Variants in CAST observed in about 807,000 individuals in gnomAD.
CAST encodes calpastatin, also known as MIR583 host.
CAST carries 76 observed loss-of-function variants against 119.6 expected under a neutral mutation model. The observed-to-expected ratio is 0.64, with a 90% confidence interval of 0.53 to 0.77. The LOEUF is 0.77. Among genes scored for constraint, CAST ranks in the 30% least tolerant of loss-of-function variants. The pLI is 0.00. For missense variants in CAST, 953 were observed against 946.5 expected (o/e 1.01, Z -0.09); for synonymous variants, 319 against 331.6 (o/e 0.96, Z 0.41).
intron 1 of CAST, among the ~76,000 whole-genome samples, chr5:96,549,612 G>T (rs1397542884): frequency 6.6e-6 from 1 of 152,184 alleles, no homozygotes; most frequent in Non-Finnish European, 1.5e-5. Context: ...GGAAGCACAG[G>T]GGGTTGGGGG....
the CAST span, among the ~76,000 whole-genome samples, chr5:96,061,330 G>A: frequency 1.3e-5 from 2 of 152,038 alleles, no homozygotes; most frequent in African/African-American, 2.4e-5. Context: ...GAGCTGGATT[G>A]GGTCATACCA....
the CAST span, among the ~76,000 whole-genome samples, chr5:96,376,398 T>C: frequency 7.9e-5 from 12 of 152,306 alleles, no homozygotes; most frequent in East Asian, 2.3e-3. Context: ...GTTACTAGTT[T>C]ATATGTTTAC....
chr5:96,513,023 C>T, the CAST span, among the ~76,000 whole-genome samples: 1 of 152,172 alleles, frequency 6.6e-6, no homozygotes, highest in Non-Finnish European at 1.5e-5. Flanking sequence ...CCTGAAACCA[C>T]AGAACAATCA....
chr5:95,962,135 G>C, the CAST span: 2 of 352,318 alleles, frequency 5.7e-6, no homozygotes, highest in Non-Finnish European at 1.0e-5. Flanking sequence ...GGCTGGCTTG[G>C]GGACTCCCCT....
the CAST span, among the ~76,000 whole-genome samples, chr5:96,128,743 A>G: frequency 6.6e-6 from 1 of 152,118 alleles, no homozygotes; most frequent in African/African-American, 2.4e-5. Flanking sequence ...TCTGGACATT[A>G]GAGCTTAATT....
chr5:96,530,001 C>G (rs1745661825), intron 1 of CAST: 1 of 218,898 alleles, frequency 4.6e-6, no homozygotes, highest in Admixed American at 5.5e-5. Flanking sequence ...TCCTATGTGT[C>G]CAGCACCACG....
chr5:96,554,419 G>T (rs1018794382), intron 1 of CAST, among the ~76,000 whole-genome samples: 1 of 152,178 alleles, frequency 6.6e-6, no homozygotes, highest in African/African-American at 2.4e-5. Flanking sequence ...ATGGATCAAA[G>T]ACTTAACTGT....
At chr5:96,067,607 TA>T in the CAST span, among the ~76,000 whole-genome samples, 1 of 152,222 alleles carries the variant, frequency 6.6e-6, no homozygotes, top group South Asian at 2.1e-4. Context: ...TACCTGTGCT[TA>T]AAAAGATCCA....
At chr5:96,421,656 A>G in the CAST span, among the ~76,000 whole-genome samples, 1 of 152,228 alleles carries the variant, frequency 6.6e-6, no homozygotes, top group African/African-American at 2.4e-5. Context: ...GGAGAATTTC[A>G]TAATGTAAGA....
chr5:95,978,502 T>C, the CAST span, among the ~76,000 whole-genome samples: 1 of 152,250 alleles, frequency 6.6e-6, no homozygotes, highest in Non-Finnish European at 1.5e-5. Flanking sequence ...GGTTGTTTTT[T>C]TTTCTTGTAA....
At chr5:96,448,671 A>G in the CAST span, among the ~76,000 whole-genome samples, 1 of 152,136 alleles carries the variant, frequency 6.6e-6, no homozygotes, top group Non-Finnish European at 1.5e-5. Context: ...GAAGATCAAT[A>G]CAGACACTCT....
At chr5:96,462,374 G>A in the CAST span, among the ~76,000 whole-genome samples, 108,128 of 151,882 alleles carry the variant, frequency 0.71, 39,136 homozygotes, top group African/African-American at 0.83. Flanking sequence ...TTTCCACTGA[G>A]TATTAGTACA....
rs1406330485 is a variant in CAST, at chr5:96,747,388, C to T, written c.1328C>T (p.Pro443Leu). 6.3e-7 allele frequency: 1 copy of T among 1,577,282 alleles called. No homozygotes were observed. Among genetic ancestry groups the T allele is most frequent in the Non-Finnish European group, 8.7e-7 (1 of 1,147,882 alleles). The change falls in exon 18 of 32, where the codon CCC becomes CTC. Residue 443 changes from proline to leucine, a missense_variant. Coordinates refer to ENST00000675179, the MANE Select transcript of CAST (RefSeq NM_001750.7). ...KPLLPEPEEK[P>L]KPRSESELID... ...CTATTGCCAGAGCCTGAAGAAAAAC[C>T]CAAGGTTAGGAAATACATTTTTTTC... is the stretch of plus-strand genomic sequence containing the variant.
At chr5:96,667,579 T>C (rs1326707538) in intron 1 of CAST, among the ~76,000 whole-genome samples, 1 of 152,226 alleles carries the variant, frequency 6.6e-6, no homozygotes, top group Non-Finnish European at 1.5e-5. Flanking sequence ...CTTTACAGTG[T>C]CATCTTGTCA....
the CAST span, among the ~76,000 whole-genome samples, chr5:96,133,912 T>C: frequency 6.6e-6 from 1 of 152,206 alleles, no homozygotes; most frequent in African/African-American, 2.4e-5. Flanking sequence ...TGTGGGCTGC[T>C]ACTGAAGCCC....
At chr5:96,704,716 G>C (rs1442210778) in intron 3 of CAST, among the ~76,000 whole-genome samples, 1 of 152,042 alleles carries the variant, frequency 6.6e-6, no homozygotes, top group Non-Finnish European at 1.5e-5. Flanking sequence ...TTTTAGCATT[G>C]GTGTGTCTAA....
At chr5:96,496,948 G>A in the CAST span, among the ~76,000 whole-genome samples, 2 of 151,692 alleles carry the variant, frequency 1.3e-5, no homozygotes, top group Non-Finnish European at 2.9e-5. Context: ...CCATGTTGGT[G>A]TACTGCACCC....
the CAST span, among the ~76,000 whole-genome samples, chr5:96,020,847 C>T: frequency 7.8e-6 from 1 of 128,296 alleles, no homozygotes; most frequent in African/African-American, 2.9e-5. Context: ...CCCCCCAACC[C>T]ATCTGTGGAA....
At chr5:96,171,026 G>A in the CAST span, among the ~76,000 whole-genome samples, 4 of 152,100 alleles carry the variant, frequency 2.6e-5, no homozygotes, top group African/African-American at 2.4e-5. Context: ...GAGACTCCGC[G>A]ACGCTTGGGG....
Sources: allele counts gnomAD v4.1 joint callset (sites outside exome capture counted in the v4.1 genomes callset), GRCh38; gene constraint gnomAD v4.1.1; transcripts MANE v1.5; gene names NCBI Gene and HGNC (gene_info 2026-07-23, HGNC 2026-07-21).